The following SGCZ variants were observed in gnomAD, a reference collection of about 807,000 sequenced individuals.
The protein encoded by SGCZ is sarcoglycan zeta, also known as zeta-sarcoglycan.
SGCZ carries 40 observed loss-of-function variants against 41.3 expected under a neutral mutation model. That is an observed-to-expected ratio of 0.97 (90% confidence interval 0.75 to 1.26). The LOEUF is 1.26. Among genes scored for constraint, SGCZ ranks in the 50% most tolerant of loss-of-function variants. The pLI is 0.00. For missense variants in SGCZ, 552 were observed against 369.8 expected, an observed-to-expected ratio of 1.49 and a Z score of -4.04; for synonymous variants, 206 against 137.5, an observed-to-expected ratio of 1.50 and a Z score of -3.49.
chr8:14,191,657 A>G (rs1805106938), intron 4 of SGCZ, among the ~76,000 whole-genome samples: 1 of 152,220 alleles, frequency 6.6e-6, no homozygotes, highest in South Asian at 2.1e-4. Flanking sequence ...AGTTGGTTAT[A>G]TGTGCATCTA....
At chr8:14,867,154 T>A (rs897627954) in intron 1 of SGCZ, among the ~76,000 whole-genome samples, 9 of 152,164 alleles carry the variant, frequency 5.9e-5, no homozygotes, top group African/African-American at 2.2e-4. Context: ...TCTTTCTTTC[T>A]TTCTTGGAAA....
chr8:14,829,724 A>T (rs1802461096), intron 1 of SGCZ, among the ~76,000 whole-genome samples: 1 of 151,902 alleles, frequency 6.6e-6, no homozygotes, highest in Non-Finnish European at 1.5e-5. Flanking sequence ...CTAAAGTTGG[A>T]TGTTTAATTT....
chr8:15,188,960 T>C (rs1009123054), intron 1 of SGCZ, among the ~76,000 whole-genome samples: 1 of 152,064 alleles, frequency 6.6e-6, no homozygotes, highest in African/African-American at 2.4e-5. Flanking sequence ...ACTTTGACAT[T>C]CATCCTCCAT....
chr8:14,747,235 G>C (rs542208003), intron 1 of SGCZ, among the ~76,000 whole-genome samples: 1 of 152,318 alleles, frequency 6.6e-6, no homozygotes, highest in East Asian at 1.9e-4. Context: ...AGTCAGAGGT[G>C]CTGAGTCGTG....
intron 3 of SGCZ, among the ~76,000 whole-genome samples, chr8:14,261,734 C>G (rs888585415): frequency 1.3e-5 from 2 of 152,142 alleles, no homozygotes; most frequent in Admixed American, 6.5e-5. Context: ...GCTGAAGATT[C>G]ACTTTAGGAT....
intron 2 of SGCZ, among the ~76,000 whole-genome samples, chr8:14,335,047 C>T (rs1802462687): frequency 6.6e-6 from 1 of 152,046 alleles, no homozygotes; most frequent in Non-Finnish European, 1.5e-5. Flanking sequence ...ACAGAAAGCA[C>T]ATGAAGACAC....
At chr8:14,513,197 C>A (rs1802515623) in intron 2 of SGCZ, among the ~76,000 whole-genome samples, 1 of 151,840 alleles carries the variant, frequency 6.6e-6, no homozygotes, top group South Asian at 2.1e-4. Flanking sequence ...CATGTTCCAC[C>A]ACTCCCAGCT....
At chr8:14,299,770 G>A (rs773135107) in intron 3 of SGCZ, among the ~76,000 whole-genome samples, 1 of 151,882 alleles carries the variant, frequency 6.6e-6, no homozygotes, top group African/African-American at 2.4e-5. Context: ...TTAAAACTAT[G>A]CCTACTCTAT....
intron 2 of SGCZ, among the ~76,000 whole-genome samples, chr8:14,435,920 G>T (rs1350904305): frequency 1.3e-5 from 2 of 152,078 alleles, no homozygotes; most frequent in Admixed American, 6.6e-5. Context: ...CACTCCAAAG[G>T]GTAACTGAAC....
intron 1 of SGCZ, among the ~76,000 whole-genome samples, chr8:14,826,073 T>C (rs540016002): frequency 2.7e-5 from 4 of 149,862 alleles, no homozygotes; most frequent in Non-Finnish European, 5.9e-5. Flanking sequence ...TATCTCCTAA[T>C]GCTATCCCTC....
At chr8:14,588,777 A>AT (rs1563135617) in intron 1 of SGCZ, among the ~76,000 whole-genome samples, 1 of 152,142 alleles carries the variant, frequency 6.6e-6, no homozygotes, top group African/African-American at 2.4e-5. Context: ...ATAACAAAGA[A>AT]TTTTTTTAAT....
chr8:14,615,710 A>G (rs565669296), intron 1 of SGCZ, among the ~76,000 whole-genome samples: 1 of 152,188 alleles, frequency 6.6e-6, no homozygotes, highest in Non-Finnish European at 1.5e-5. Flanking sequence ...AAATAAAGCA[A>G]TAGTTATAAC....
chr8:14,451,857 C>A (rs990451233), intron 2 of SGCZ, among the ~76,000 whole-genome samples: 5 of 152,168 alleles, frequency 3.3e-5, no homozygotes, highest in African/African-American at 4.8e-5. Context: ...CATGGAACAA[C>A]AGAAACTCTC....
intron 1 of SGCZ, among the ~76,000 whole-genome samples, chr8:15,013,246 C>T (rs1490354525): frequency 6.6e-6 from 1 of 152,170 alleles, no homozygotes; most frequent in Admixed American, 6.5e-5. Context: ...ACATTTCTCT[C>T]TGGCTGTACT....
At chr8:14,642,932 T>A (rs558358110) in intron 1 of SGCZ, among the ~76,000 whole-genome samples, 15 of 151,546 alleles carry the variant, frequency 9.9e-5, no homozygotes, top group Non-Finnish European at 2.2e-4. Flanking sequence ...GGGTAGAGAT[T>A]TCTGTTTCAC....
chr8:14,353,519 T>C (rs1187417009), intron 2 of SGCZ, among the ~76,000 whole-genome samples: 1 of 152,114 alleles, frequency 6.6e-6, no homozygotes, highest in African/African-American at 2.4e-5. Context: ...GTCTTCCCCA[T>C]TCCAAGCCTG....
At chr8:14,992,008 C>A (rs116064831) in intron 1 of SGCZ, among the ~76,000 whole-genome samples, 1,838 of 149,984 alleles carry the variant, frequency 0.012, 44 homozygotes, top group African/African-American at 0.043. Context: ...TTACCCCTCA[C>A]CCATCCTCCT....
At chr8:14,841,841 T>TA in intron 1 of SGCZ, among the ~76,000 whole-genome samples, 1 of 152,298 alleles carries the variant, frequency 6.6e-6, no homozygotes, top group African/African-American at 2.4e-5. Context: ...AATTTTTCCC[T>TA]ATCACATCAA....
chr8:14,427,294 A>T (rs765395074), intron 2 of SGCZ, among the ~76,000 whole-genome samples: 7 of 152,160 alleles, frequency 4.6e-5, no homozygotes, highest in African/African-American at 7.2e-5. Flanking sequence ...ACATAAGTTT[A>T]CCTGTGTGGC....
Sources: allele counts gnomAD v4.1 joint callset (sites outside exome capture counted in the v4.1 genomes callset), GRCh38; gene constraint gnomAD v4.1.1; transcripts MANE v1.5; gene names NCBI Gene and HGNC (gene_info 2026-07-23, HGNC 2026-07-21).